Variants in ROBO2 observed in about 807,000 individuals in gnomAD.
ROBO2 encodes roundabout guidance receptor 2, also known as roundabout homolog 2.
Under a neutral mutation model 160.8 loss-of-function variants are expected in ROBO2, and 53 were observed. The ratio of observed to expected loss-of-function variants is 0.33; its 90% CI spans 0.26 to 0.41. The LOEUF (loss-of-function observed/expected upper bound fraction) is 0.41. ROBO2 is among the 10% of genes least tolerant of loss of function. The probability of loss-of-function intolerance (pLI) is 1.00; values close to 1 mark genes in which losing one functional copy is unlikely to be tolerated. For synonymous variants in ROBO2, 664 were observed against 611.7 expected (o/e 1.09, Z -1.26); for missense variants, 1,577 against 1,722.4 (o/e 0.92, Z 1.49).
Position 76,412,073 on chromosome 3 carries a change from G to A in ROBO2, c.109+474471G>A, listed in dbSNP as rs138173309. On this transcript the variant is annotated intron_variant, in intron 2 of 26. Coordinates refer to the ROBO2 transcript ENST00000487694. Reference sequence around the variant, plus strand: ...TGGGGAGGCCTCAGAATCATGGCAGGAAGTGAAAGGCACTTCTGACATGGC... The same window carrying A: ...TGGGGAGGCCTCAGAATCATGGCAGAAAGTGAAAGGCACTTCTGACATGGC... 7.2e-5 allele frequency among the ~76,000 whole-genome samples: 11 copies of A among 152,266 alleles called. No homozygotes were observed. In the East Asian group the frequency reaches 2.1e-3, roughly 29 times the overall value.
chr3:76,457,819 A>G (rs2077854978), intron 2 of ROBO2, among the ~76,000 whole-genome samples: 1 of 152,158 alleles, frequency 6.6e-6, no homozygotes, highest in Non-Finnish European at 1.5e-5. Context: ...GAAGTTGCCA[A>G]GGCTTGGGGC....
chr3:77,561,078 G>A (rs2093307066), intron 9 of ROBO2, among the ~76,000 whole-genome samples: 1 of 152,002 alleles, frequency 6.6e-6, no homozygotes, highest in African/African-American at 2.4e-5. Flanking sequence ...GAGATAATAT[G>A]GCAAAGAATG....
intron 2 of ROBO2, among the ~76,000 whole-genome samples, chr3:76,140,125 G>A (rs1408988434): frequency 6.6e-6 from 1 of 152,004 alleles, no homozygotes; most frequent in Non-Finnish European, 1.5e-5. Context: ...ATATGAGCTA[G>A]CATTCATTAA....
chr3:76,362,188 A>G (rs980724268), intron 2 of ROBO2, among the ~76,000 whole-genome samples: 12 of 151,914 alleles, frequency 7.9e-5, no homozygotes, highest in African/African-American at 2.9e-4. Context: ...AACATGGTGA[A>G]ACCCATCTCT....
chr3:76,971,462 T>C (rs1329501064), intron 2 of ROBO2, among the ~76,000 whole-genome samples: 2 of 152,176 alleles, frequency 1.3e-5, no homozygotes, highest in East Asian at 3.8e-4. Context: ...TGGATTAACA[T>C]ATGTTAGATT....
At chr3:76,332,597 A>G (rs948275524) in intron 2 of ROBO2, among the ~76,000 whole-genome samples, 4 of 152,198 alleles carry the variant, frequency 2.6e-5, no homozygotes, top group East Asian at 3.9e-4. Flanking sequence ...TTCATAGACA[A>G]TATAATCTTG....
intron 6 of ROBO2, among the ~76,000 whole-genome samples, chr3:77,523,645 G>A (rs1287289818): frequency 2.6e-5 from 4 of 151,314 alleles, no homozygotes; most frequent in Non-Finnish European, 4.4e-5. Flanking sequence ...GATCACGTGA[G>A]GGAAATTACA....
chr3:77,093,932 A>G (rs2070692253), intron 1 of ROBO2, among the ~76,000 whole-genome samples: 1 of 152,212 alleles, frequency 6.6e-6, no homozygotes, highest in Admixed American at 6.5e-5. Flanking sequence ...CACACCTTTT[A>G]TTAAACTTGT....
intron 1 of ROBO2, among the ~76,000 whole-genome samples, chr3:77,094,979 T>C (rs2070847772): frequency 6.6e-6 from 1 of 152,174 alleles, no homozygotes; most frequent in Admixed American, 6.5e-5. Flanking sequence ...TTTCTGATTC[T>C]GTGGGTAGTA....
At chr3:76,948,099 A>G (rs1436421692) in intron 2 of ROBO2, among the ~76,000 whole-genome samples, 1 of 152,156 alleles carries the variant, frequency 6.6e-6, no homozygotes, top group South Asian at 2.1e-4. Context: ...TATTTATCCC[A>G]CATCCTGGAA....
chr3:77,252,137 C>G (rs1222022151), intron 2 of ROBO2, among the ~76,000 whole-genome samples: 3 of 152,188 alleles, frequency 2.0e-5, no homozygotes, highest in Non-Finnish European at 4.4e-5. Context: ...GTACATTGCT[C>G]ATCAGTTTTG....
intron 2 of ROBO2, among the ~76,000 whole-genome samples, chr3:76,469,736 G>A (rs1010441117): frequency 4.6e-5 from 7 of 151,942 alleles, no homozygotes; most frequent in South Asian, 2.1e-4. Context: ...CTCTGTCTAC[G>A]TTCTACTCCC....
chr3:77,525,180 A>G (rs1157589519), intron 6 of ROBO2, among the ~76,000 whole-genome samples: 2 of 150,446 alleles, frequency 1.3e-5, no homozygotes, highest in East Asian at 2.0e-4. Context: ...ATTTTCATCC[A>G]TTTAATGCAG....
chr3:76,451,925 T>A lies in ROBO2; in HGVS notation c.109+514323T>A, dbSNP rs569497011. ...CTGTTTACAATTTTGTCTTGAAAAC[T>A]CATATCTACCAATTATTTCTCTTTC... On this transcript the variant is annotated intron_variant, in intron 2 of 26. Transcript: ENST00000487694. Among the ~76,000 whole-genome samples the A allele has an allele frequency of 3.9e-5, 6 of 152,264 alleles. 1 individual carries two copies. Among genetic ancestry groups the A allele is most frequent in the African/African-American group, 1.4e-4 (6 of 41,580 alleles).
chr3:76,757,956 C>A (rs1347509510), intron 2 of ROBO2, among the ~76,000 whole-genome samples: 1 of 151,718 alleles, frequency 6.6e-6, no homozygotes, highest in Admixed American at 6.6e-5. Context: ...AAGGGAGAAC[C>A]AGAGCCTCTA....
chr3:76,451,600 ACCT>A (rs781725448), intron 2 of ROBO2, among the ~76,000 whole-genome samples: 57 of 152,172 alleles, frequency 3.7e-4, no homozygotes, highest in Non-Finnish European at 6.8e-4. Context: ...CAATGATGTG[ACCT>A]CCTACTCTGC....
chr3:76,517,167 G>T (rs1419968774), intron 2 of ROBO2, among the ~76,000 whole-genome samples: 1 of 152,042 alleles, frequency 6.6e-6, no homozygotes, highest in Admixed American at 6.6e-5. Context: ...GGGGACATGC[G>T]TGCATGTGAA....
intron 2 of ROBO2, among the ~76,000 whole-genome samples, chr3:77,324,697 G>A (rs1392447295): frequency 6.6e-6 from 1 of 151,438 alleles, no homozygotes; most frequent in Non-Finnish European, 1.5e-5. Flanking sequence ...CAGGAGAATG[G>A]CGTGAACCTG....
chr3:77,340,121 G>A (rs1350343856), intron 2 of ROBO2, among the ~76,000 whole-genome samples: 1 of 152,024 alleles, frequency 6.6e-6, no homozygotes, highest in African/African-American at 2.4e-5. Context: ...ATCATAAGTG[G>A]TAAGATTGCT....
Sources: gnomAD v4.1 joint callset for allele counts (sites outside exome capture counted in the v4.1 genomes callset) on GRCh38, gnomAD v4.1.1 for gene constraint, MANE v1.5 for transcripts, NCBI Gene and HGNC (gene_info 2026-07-23, HGNC 2026-07-21) for gene names.